The following AGK variants were observed in gnomAD, a reference collection of about 807,000 sequenced individuals.
The protein encoded by AGK is acylglycerol kinase, also known as acylglycerol kinase, mitochondrial.
In AGK, 52 loss-of-function variants were observed where a neutral mutation model predicts 66.4. That is an observed-to-expected ratio of 0.78 (90% CI 0.63 to 0.99). AGK has a LOEUF of 0.99. Among genes scored for constraint, AGK ranks in the 50% least tolerant of loss-of-function variants. The probability of loss-of-function intolerance (pLI) is 0.00; values close to 1 mark genes in which losing one functional copy is unlikely to be tolerated. For synonymous variants in AGK, 182 were observed against 181.1 expected (o/e 1.00, Z -0.04); for missense variants, 451 against 506.6 (o/e 0.89, Z 1.05).
In AGK at chr7:141,624,919, C is replaced by T. The variant is rs1231200933; in HGVS notation, c.588+3118C>T. Among the ~76,000 whole-genome samples, 9 of 152,174 alleles carry T rather than the reference C, an allele frequency of 5.9e-5. No individual in the cohort carries two copies. The East Asian group carries it at 1.7e-3, about 29-fold the overall frequency. On this transcript the variant is annotated intron_variant, in intron 9 of 15. Coordinates refer to ENST00000649286, the MANE Select transcript of AGK (RefSeq NM_018238.4). ...ATAAATTCATGAAAGGATGAGTCAA[C>T]AGACATTGCAAACTTCATTGCTGTC...
chr7:141,565,299 A>C (rs987644017), intron 2 of AGK, among the ~76,000 whole-genome samples: 2 of 152,164 alleles, frequency 1.3e-5, no homozygotes, highest in Admixed American at 1.3e-4. Context: ...TAAAGTAAAA[A>C]GTTTTCCTGC....
chr7:141,553,933 A>G (rs1022179089), intron 1 of AGK, among the ~76,000 whole-genome samples: 1 of 152,194 alleles, frequency 6.6e-6, no homozygotes, highest in African/African-American at 2.4e-5. Flanking sequence ...AATTTTGCTT[A>G]AATTTTTGTT....
chr7:141,637,691 A>C (rs375043268), intron 11 of AGK, among the ~76,000 whole-genome samples: 3 of 152,214 alleles, frequency 2.0e-5, no homozygotes, highest in East Asian at 3.8e-4. Flanking sequence ...GCCAATCTGA[A>C]AATTGGCAGA....
At chr7:141,630,271 A>G (rs1797027148) in intron 9 of AGK, among the ~76,000 whole-genome samples, 1 of 152,050 alleles carries the variant, frequency 6.6e-6, no homozygotes, top group South Asian at 2.1e-4. Context: ...CCCCTAATCT[A>G]GGTACCTTGT....
intron 14 of AGK, 127 bp downstream of exon 14, chr7:141,649,460 T>G (rs1797500006): frequency 1.4e-6 from 1 of 720,442 alleles, no homozygotes; most frequent in Admixed American, 2.5e-5. Flanking sequence ...ATTTCGATGT[T>G]ATTTCTTTCC....
chr7:141,641,240 A>G lies in AGK; in HGVS notation c.727-8A>G. 6.3e-7 allele frequency: 1 copy of G among 1,594,076 alleles called. No homozygotes were observed. The highest frequency in any genetic ancestry group is 1.1e-5 in the South Asian group (1 of 87,028). ...CATAACAAAATTTTTCTCTCTCCAC[A>G]TTAAAAGGAGTGGCCTCAGACTCAT... On this transcript the variant is annotated splice_region_variant and splice_polypyrimidine_tract_variant and intron_variant, in intron 11 of 15. Coordinates refer to ENST00000649286, the MANE Select transcript of AGK (RefSeq NM_018238.4).
intron 13 of AGK, among the ~76,000 whole-genome samples, chr7:141,646,127 A>G (rs1797405926): frequency 6.6e-6 from 1 of 152,108 alleles, no homozygotes; most frequent in Non-Finnish European, 1.5e-5. Context: ...AGAATTTGAG[A>G]AATCAAGGCA....
At chr7:141,619,319 C>T (rs915253875) in intron 8 of AGK, among the ~76,000 whole-genome samples, 2 of 152,128 alleles carry the variant, frequency 1.3e-5, no homozygotes, top group Non-Finnish European at 2.9e-5. Context: ...GTGATCAAAA[C>T]AGTGTGGTGC....
chr7:141,626,950 C>G (rs117661565), intron 9 of AGK, among the ~76,000 whole-genome samples: 1 of 152,104 alleles, frequency 6.6e-6, no homozygotes, highest in Non-Finnish European at 1.5e-5. Context: ...TTAGGAGATG[C>G]AAGATGAAAT....
intron 2 of AGK, among the ~76,000 whole-genome samples, chr7:141,586,604 T>C (rs1421083755): frequency 1.3e-5 from 2 of 152,162 alleles, no homozygotes; most frequent in Admixed American, 1.3e-4. Flanking sequence ...AGTTTTTGTG[T>C]GGTGGGGTAA....
rs1233013187 is a variant in AGK at position 141,654,831 on chromosome 7, G to A, written c.*1907G>A. 6.6e-6 allele frequency: 1 copy of A among 152,208 alleles called. No individual in the cohort carries two copies. The highest frequency in any genetic ancestry group is 1.5e-5 in the Non-Finnish European group (1 of 68,048). 9.4% of individuals were successfully genotyped at this position (152,208 alleles called of 1,614,324 possible). The stretch of plus-strand genomic sequence containing the variant: ...GAGACCAATGCTTTAGTAGATTACA[G>A]AACAGCTATGAAAAGTCCATGAATG... On this transcript the variant is annotated 3_prime_UTR_variant, in exon 16 of 16. Coordinates refer to ENST00000649286, the MANE Select transcript of AGK (RefSeq NM_018238.4).
rs12703391 is a variant in AGK at position 141,575,683 on chromosome 7, T to G, written c.102-17463T>G. ...TTTTTTTTTTTTTTTTTTTTTTTTT[T>G]GGGCCTGGCTGCTTCTAGGGCTTTC... On this transcript the variant is annotated intron_variant, in intron 2 of 15. Coordinates refer to ENST00000649286, the MANE Select transcript of AGK (RefSeq NM_018238.4). Among the ~76,000 whole-genome samples, 349 of 138,902 alleles carry G rather than the reference T, an allele frequency of 2.5e-3. 1 individual carries two copies. Among genetic ancestry groups the G allele is most frequent in the African/African-American group, 6.0e-3 (208 of 34,550 alleles). The allele number at this position is 138,902 out of a possible 152,430, so 91.1% of individuals were successfully genotyped here.
At chr7:141,616,876 A>G (rs909749920) in intron 8 of AGK, among the ~76,000 whole-genome samples, 15 of 150,742 alleles carry the variant, frequency 1.0e-4, no homozygotes, top group African/African-American at 3.2e-4. Flanking sequence ...CTCTTGCCTC[A>G]GCCTCCGAGT....
chr7:141,634,501 C>G (rs906924432), intron 10 of AGK, among the ~76,000 whole-genome samples: 9 of 152,286 alleles, frequency 5.9e-5, no homozygotes, highest in South Asian at 2.1e-4. Flanking sequence ...ACAGGCCTAT[C>G]GAGGAGCTGA....
At chr7:141,608,325 C>T (rs1232188398) in intron 5 of AGK, among the ~76,000 whole-genome samples, 1 of 152,088 alleles carries the variant, frequency 6.6e-6, no homozygotes, top group Non-Finnish European at 1.5e-5. Context: ...ACAAGATGAG[C>T]TTTGAACAGA....
At chr7:141,651,980 T>A (rs1210690068) in intron 15 of AGK, among the ~76,000 whole-genome samples, 1 of 152,234 alleles carries the variant, frequency 6.6e-6, no homozygotes, top group Non-Finnish European at 1.5e-5. Context: ...TACTTTAACA[T>A]TTTTTATAAA....
At chr7:141,584,996 T>C (rs1343506613) in intron 2 of AGK, among the ~76,000 whole-genome samples, 1 of 152,202 alleles carries the variant, frequency 6.6e-6, no homozygotes, top group African/African-American at 2.4e-5. Flanking sequence ...TGGTAGCAGG[T>C]AGTGCATGAT....
chr7:141,616,845 G>A (rs1016714582), intron 8 of AGK, among the ~76,000 whole-genome samples: 1 of 150,158 alleles, frequency 6.7e-6, no homozygotes, highest in East Asian at 2.0e-4. Flanking sequence ...TGCAAGCTCC[G>A]TCTCCCAGGT....
At chr7:141,630,623 T>G (rs977151917) in intron 9 of AGK, among the ~76,000 whole-genome samples, 1 of 152,226 alleles carries the variant, frequency 6.6e-6, no homozygotes, top group African/African-American at 2.4e-5. Flanking sequence ...CAATTGTACC[T>G]ACTTCCCTGA....
Sources: allele counts gnomAD v4.1 joint callset (sites outside exome capture counted in the v4.1 genomes callset), GRCh38; gene constraint gnomAD v4.1.1; transcripts MANE v1.5; gene names NCBI Gene and HGNC (gene_info 2026-07-23, HGNC 2026-07-21).